SLC35D2: variants seen among roughly 807,000 people sequenced by gnomAD.
The protein encoded by SLC35D2 is solute carrier family 35 member D2, also known as nucleotide sugar transporter SLC35D2.
A neutral mutation model predicts 41.8 loss-of-function variants in SLC35D2; 43 were observed. The observed-to-expected ratio is 1.03, with a 90% CI of 0.81 to 1.33. The LOEUF (loss-of-function observed/expected upper bound fraction) is 1.33. Among genes scored for constraint, SLC35D2 ranks in the 40% most tolerant of loss-of-function variants. SLC35D2 has a pLI of 0.00. For missense variants in SLC35D2, 380 were observed against 408.4 expected (o/e 0.93, Z 0.60); for synonymous variants, 150 against 163.9 (o/e 0.92, Z 0.65).
chr9:96,331,433 A>G (rs1828803448), intron 9 of SLC35D2, among the ~76,000 whole-genome samples: 1 of 152,146 alleles, frequency 6.6e-6, no homozygotes, highest in Non-Finnish European at 1.5e-5. Flanking sequence ...AAGTCTTGCA[A>G]GAATGTAGGA....
At chr9:96,383,409 T>C in intron 1 of SLC35D2, 68 bp downstream of exon 1, 2 of 1,349,650 alleles carry the variant, frequency 1.5e-6, no homozygotes, top group African/African-American at 3.1e-5. Context: ...CGGGCGCCGC[T>C]GAAGCGCACG....
chr9:96,359,886 TA>T (rs1421675227), intron 4 of SLC35D2, among the ~76,000 whole-genome samples: 2 of 152,202 alleles, frequency 1.3e-5, no homozygotes, highest in African/African-American at 4.8e-5. Context: ...CCCACCTGGA[TA>T]AATCAGACCT....
chr9:96,337,607 G>A (rs1241852613), intron 8 of SLC35D2, among the ~76,000 whole-genome samples: 15 of 152,158 alleles, frequency 9.9e-5, no homozygotes, highest in Non-Finnish European at 1.9e-4. Flanking sequence ...AGGAAGTATT[G>A]TGAACAAATA....
chr9:96,339,383 A>T (rs1315084210), intron 8 of SLC35D2, among the ~76,000 whole-genome samples: 2 of 152,218 alleles, frequency 1.3e-5, no homozygotes, highest in East Asian at 3.8e-4. Flanking sequence ...AGCCGGGATT[A>T]CTGGCGTGAG....
intron 9 of SLC35D2, among the ~76,000 whole-genome samples, chr9:96,327,582 G>A (rs916573427): frequency 1.3e-5 from 2 of 152,024 alleles, no homozygotes; most frequent in Non-Finnish European, 2.9e-5. Flanking sequence ...AACAGATGGC[G>A]GCTAGATAGA....
In SLC35D2 at chr9:96,368,767, C is replaced by T. The variant is rs921068536; in HGVS notation, c.159-462G>A. ...CTCTCTCTCTACATATATATATATACACACACACACACATTGAGATGGAGT... is the reference window on the plus strand; with the variant it reads ...CTCTCTCTCTACATATATATATATATACACACACACACATTGAGATGGAGT... On this transcript the variant is annotated intron_variant, in intron 1 of 11. Coordinates refer to ENST00000253270, the MANE Select transcript of SLC35D2 (RefSeq NM_007001.3). Among the ~76,000 whole-genome samples the T allele has an allele frequency of 1.9e-4, 29 of 149,332 alleles. 1 individual carries two copies. The highest frequency in any genetic ancestry group is 7.1e-3 in the Middle Eastern group (2 of 282).
intron 1 of SLC35D2, among the ~76,000 whole-genome samples, chr9:96,370,158 G>A (rs943373856): frequency 6.6e-6 from 1 of 152,212 alleles, no homozygotes; most frequent in Non-Finnish European, 1.5e-5. Flanking sequence ...CCCCAATTCA[G>A]GACAGCTCTG....
Position 96,322,020 on chromosome 9 carries a change from T to G in SLC35D2, c.892A>C (p.Asn298His). 6.2e-7 allele frequency: 1 copy of G among 1,604,116 alleles called. No homozygotes were observed. Among genetic ancestry groups the G allele is most frequent in the South Asian group, 1.1e-5 (1 of 90,386 alleles). ...CACCAAATATTTAACCCTACAAAGT[T>G]TAACAAAGAGAAAATGTAGTCTCCA... ...IGGDYIFSLL[N>H]FVGLNICMAG... The change falls in exon 11 of 12, where the codon AAC (asparagine) becomes CAC (histidine). Residue 298 changes from asparagine to histidine, a missense_variant. By Grantham distance (68) the Asn-to-His change is moderately conservative (BLOSUM62 1). Coordinates refer to ENST00000253270, the MANE Select transcript of SLC35D2 (RefSeq NM_007001.3).
chr9:96,332,106 G>A (rs569384025), intron 9 of SLC35D2, among the ~76,000 whole-genome samples: 83 of 152,186 alleles, frequency 5.5e-4, no homozygotes, highest in African/African-American at 1.9e-3. Flanking sequence ...ATTTCAAAGC[G>A]TAATAATTTT....
At chr9:96,327,107 G>A (rs567631633) in intron 9 of SLC35D2, among the ~76,000 whole-genome samples, 1 of 152,312 alleles carries the variant, frequency 6.6e-6, no homozygotes, top group Non-Finnish European at 1.5e-5. Context: ...GGAGCTTCCT[G>A]CAGGCCGCCT....
chr9:96,345,368 A>C lies in SLC35D2; in HGVS notation c.522T>G (p.Ile174Met), dbSNP rs1829529401. 1 of 1,609,332 alleles carries C rather than the reference A, an allele frequency of 6.2e-7. No individual in the cohort carries two copies. The highest frequency in any genetic ancestry group is 8.5e-7 in the Non-Finnish European group (1 of 1,176,866). Residue 174 changes from isoleucine (I) to methionine (M), a missense_variant, in exon 7 of 12, where the codon ATT becomes ATG. Ile to Met is a conservative substitution (Grantham distance 10). Transcript: ENST00000253270. ...TGAAGATATCATTCAGGAATACAAAAATATAGCCTTCTAAGTTAAAAGCAA... is the reference window on the plus strand; with the variant it reads ...TGAAGATATCATTCAGGAATACAAACATATAGCCTTCTAAGTTAAAAGCAA... ...SDLAFNLEGYIFVFLNDIFTA... is the reference protein window; with the variant it reads ...SDLAFNLEGYMFVFLNDIFTA...
chr9:96,380,497 G>A (rs540065230), intron 1 of SLC35D2, among the ~76,000 whole-genome samples: 5 of 147,368 alleles, frequency 3.4e-5, no homozygotes, highest in African/African-American at 1.0e-4. Context: ...TCACTCTATC[G>A]CCCAGGCTGG....
chr9:96,330,432 C>CA (rs1280658546), intron 9 of SLC35D2, among the ~76,000 whole-genome samples: 1 of 152,204 alleles, frequency 6.6e-6, no homozygotes, highest in Non-Finnish European at 1.5e-5. Flanking sequence ...TTGGCACCCA[C>CA]AGGCATCGCC....
At chr9:96,331,042 G>A (rs185947122) in intron 9 of SLC35D2, among the ~76,000 whole-genome samples, 3 of 152,190 alleles carry the variant, frequency 2.0e-5, no homozygotes, top group Admixed American at 6.5e-5. Context: ...GGATTACAGG[G>A]GCACACTACC....
intron 9 of SLC35D2, among the ~76,000 whole-genome samples, chr9:96,330,781 C>A (rs1170664057): frequency 6.6e-6 from 1 of 152,166 alleles, no homozygotes; most frequent in African/African-American, 2.4e-5. Context: ...CAATAGATAG[C>A]TGCAAAGAGA....
rs1434814801 is a variant in SLC35D2 at position 96,368,269 on chromosome 9, C to T, written c.192+3G>A. ...GAGGTTAATTCTATTTTTTTTCACT[C>T]ACCTGTCCAATTCCAAGGAAAATTG... On this transcript the variant is annotated splice_donor_region_variant and intron_variant, in intron 2 of 11. Transcript: ENST00000253270. 4 of 1,601,298 alleles carry T rather than the reference C, an allele frequency of 2.5e-6. No homozygotes were observed. The highest frequency in any genetic ancestry group is 3.4e-6 in the Non-Finnish European group (4 of 1,171,712).
At chr9:96,348,317 T>C (rs1164469588) in intron 6 of SLC35D2, among the ~76,000 whole-genome samples, 1 of 152,204 alleles carries the variant, frequency 6.6e-6, no homozygotes, top group African/African-American at 2.4e-5. Flanking sequence ...CAGTGCATAA[T>C]TCCCCACCTT....
At chr9:96,347,576 A>G (rs1462732444) in intron 6 of SLC35D2, among the ~76,000 whole-genome samples, 2 of 152,164 alleles carry the variant, frequency 1.3e-5, no homozygotes, top group East Asian at 3.9e-4. Context: ...ACAGGGTTTC[A>G]TTATGTTGCC....
chr9:96,315,351 G>A (rs779762466), intron 11 of SLC35D2, among the ~76,000 whole-genome samples: 6 of 152,072 alleles, frequency 3.9e-5, no homozygotes, highest in African/African-American at 9.7e-5. Flanking sequence ...CAAACTCCTG[G>A]GTTCAAGCAA....
Sources: allele counts gnomAD v4.1 joint callset (sites outside exome capture counted in the v4.1 genomes callset), GRCh38; gene constraint gnomAD v4.1.1; transcripts MANE v1.5; gene names NCBI Gene and HGNC (gene_info 2026-07-23, HGNC 2026-07-21).